The following TOP1 variants were observed in gnomAD, a reference collection of about 807,000 sequenced individuals.
The protein encoded by TOP1 is DNA topoisomerase I.
TOP1 carries 10 observed loss-of-function variants against 111.1 expected under a neutral mutation model. The ratio of observed to expected loss-of-function variants is 0.09; its 90% CI spans 0.06 to 0.15. The LOEUF is 0.15. Ranked by LOEUF, TOP1 falls within the 10% of genes least tolerant of loss-of-function variation. The pLI is 1.00. For missense variants in TOP1, 474 were observed against 926.7 expected, an observed-to-expected ratio of 0.51 and a Z score of 6.34; for synonymous variants, 271 against 302.9, an observed-to-expected ratio of 0.89 and a Z score of 1.10.
intron 4 of TOP1, 49 bp downstream of exon 4, chr20:41,076,343 T>G: frequency 6.4e-7 from 1 of 1,562,588 alleles, no homozygotes; most frequent in South Asian, 1.2e-5. Flanking sequence ...GCACTTTTGT[T>G]TACCTTTGAA....
chr20:41,079,847 GA>G lies in TOP1; in HGVS notation c.336-236del, dbSNP rs2033768636. ...AATAGTGAGAAAGAATTCTGACTTA[GA>G]ATAAAGAGTCTTGATCCCAAATCCT... is the stretch of plus-strand genomic sequence containing the variant. On this transcript the variant is annotated intron_variant, in intron 5 of 20. Transcript: ENST00000361337. The surrounding 1 kb of genome is among the most constrained non-coding windows in gnomAD (Gnocchi z 4.0). 6.6e-6 allele frequency among the ~76,000 whole-genome samples: 1 copy of G among 152,182 alleles called. No individual in the cohort carries two copies. Among genetic ancestry groups the G allele is most frequent in the African/African-American group, 2.4e-5 (1 of 41,438 alleles).
Position 41,110,456 on chromosome 20 carries a change from G to A in TOP1, c.1309-2326G>A, listed in dbSNP as rs542138608. Among the ~76,000 whole-genome samples the A allele has an allele frequency of 6.6e-6, 1 of 152,264 alleles. No individual in the cohort carries two copies. The highest frequency in any genetic ancestry group is 1.9e-4 in the East Asian group (1 of 5,188). On this transcript the variant is annotated intron_variant, in intron 13 of 20. Coordinates refer to ENST00000361337, the MANE Select transcript of TOP1 (RefSeq NM_003286.4). The surrounding 1 kb of genome is among the most constrained non-coding windows in gnomAD (Gnocchi z 4.2). The stretch of plus-strand genomic sequence containing the variant: ...GGGAAATAGTCATGTAAGAATACTG[G>A]CAAATGTCCTCTTCCCCATTACAAA...
At chr20:41,089,135 C>T (rs2033887151) in intron 8 of TOP1, among the ~76,000 whole-genome samples, 1 of 149,576 alleles carries the variant, frequency 6.7e-6, no homozygotes, top group African/African-American at 2.5e-5. Flanking sequence ...AGCAATTCTC[C>T]TGCCTCAGCC....
intron 7 of TOP1, among the ~76,000 whole-genome samples, chr20:41,084,215 C>CT (rs763440260): frequency 6.2e-4 from 94 of 152,086 alleles, no homozygotes; most frequent in Non-Finnish European, 6.0e-4. Context: ...TTCCCAGTCT[C>CT]TTCCCCTGCA....
Position 41,072,731 on chromosome 20 carries a change from C to G in TOP1, c.156-3440C>G, listed in dbSNP as rs967876336. The G allele has an allele frequency of 9.1e-6, 9 of 985,294 alleles. No individual in the cohort carries two copies. In the African/African-American group the frequency reaches 1.6e-4, roughly 17 times the overall value. 61.0% of individuals were successfully genotyped at this position (985,294 alleles called of 1,614,324 possible). ...AGGCAGGGACGGTAACAGCACCTGA[C>G]AAGTAGGGATGATCACATTGTATTC... On this transcript the variant is annotated intron_variant, in intron 3 of 20. Transcript: ENST00000361337.
At chr20:41,085,970 A>G (rs1247144953) in intron 8 of TOP1, among the ~76,000 whole-genome samples, 1 of 152,228 alleles carries the variant, frequency 6.6e-6, no homozygotes, top group Admixed American at 6.5e-5. Flanking sequence ...GGTCAGAGTC[A>G]GAAAGTAAAA....
At position 41,061,440 on chromosome 20, in the gene TOP1, C is replaced by T. The variant is rs2033543328; in HGVS notation, c.105C>T (p.His35=). 6.2e-7 allele frequency: 1 copy of T among 1,613,166 alleles called. No individual in the cohort carries two copies. The highest frequency in any genetic ancestry group is 1.1e-5 in the South Asian group (1 of 90,996). The change falls in exon 3 of 21, where the codon CAC becomes CAT. Residue 35 remains histidine, a synonymous_variant. Transcript: ENST00000361337. The surrounding 1 kb of genome is among the most constrained non-coding windows in gnomAD (Gnocchi z 4.6). ...KDKHKDREHR[H]KEHKKEKDRE... is the part of the protein sequence containing the mutation. ...AACACAAAGATCGAGAACACCGGCA[C>T]AAAGAACACAAGAAGGAGAAGGACC...
intron 13 of TOP1, among the ~76,000 whole-genome samples, chr20:41,111,656 T>C (rs1712018848): frequency 7.0e-6 from 1 of 141,968 alleles, no homozygotes; most frequent in Non-Finnish European, 1.5e-5. Flanking sequence ...AAAGGCTGGT[T>C]ATCTTCACCA....
chr20:41,070,531 AC>A (rs1247821621), intron 3 of TOP1, among the ~76,000 whole-genome samples: 1 of 152,226 alleles, frequency 6.6e-6, no homozygotes, highest in Admixed American at 6.5e-5. Flanking sequence ...CCCAGAGGCA[AC>A]TTTTGAAGTT....
In TOP1 at chr20:41,121,646, A is replaced by C. The variant is rs745494334; in HGVS notation, c.1951-50A>C. The C allele has an allele frequency of 6.9e-7, 1 of 1,448,388 alleles. No individual in the cohort carries two copies. The highest frequency in any genetic ancestry group is 9.7e-7 in the Non-Finnish European group (1 of 1,029,806). 89.7% of individuals were successfully genotyped at this position (1,448,388 alleles called of 1,614,324 possible). A position where few individuals can be genotyped will look rare whatever the true frequency, so the allele number is the denominator to read the frequency against. On this transcript the variant is annotated intron_variant, in intron 18 of 20. Transcript: ENST00000361337. This position sits in a 1 kb window ranked among gnomAD's most constrained non-coding sequence, Gnocchi z 4.2. ...ATCTTGGTTTCACCTTCTCAGGTGGAGCCATTTTTCCTCTACAGCTCATAA... is the reference window on the plus strand; with the variant it reads ...ATCTTGGTTTCACCTTCTCAGGTGGCGCCATTTTTCCTCTACAGCTCATAA...
At chr20:41,096,618 C>CT (rs2033986582) in intron 9 of TOP1, among the ~76,000 whole-genome samples, 2 of 152,214 alleles carry the variant, frequency 1.3e-5, no homozygotes, top group African/African-American at 4.8e-5. Context: ...TGCTGCTGGT[C>CT]TGTGAACCAC....
At position 41,055,276 on chromosome 20, in the gene TOP1, C is replaced by T. The variant is rs2033456608; in HGVS notation, c.59-6118C>T. Among the ~76,000 whole-genome samples, 5 of 152,234 alleles carry T rather than the reference C, an allele frequency of 3.3e-5. No individual in the cohort carries two copies. In the South Asian group the frequency reaches 1.0e-3, roughly 31 times the overall value. ...TTTCATATCTGTCAGTTAAATTCAA[C>T]ACATTTCTTTTTGCACTTAACAGGT... On this transcript the variant is annotated intron_variant, in intron 2 of 20. Coordinates refer to ENST00000361337, the MANE Select transcript of TOP1 (RefSeq NM_003286.4).
rs1413762937 is a variant in TOP1, at chr20:41,101,212, T to C, written c.1167T>C (p.Asp389=). 2 of 1,613,984 alleles carry C rather than the reference T, an allele frequency of 1.2e-6. No individual in the cohort carries two copies. The highest frequency in any genetic ancestry group is 1.7e-5 in the Admixed American group (1 of 60,000). Residue 389 remains aspartate (D), a synonymous_variant, in exon 13 of 21, where the codon GAT becomes GAC. Transcript: ENST00000361337. This position sits in a 1 kb window ranked among gnomAD's most constrained non-coding sequence, Gnocchi z 4.1. The stretch of plus-strand genomic sequence containing the variant: ...CCTCGTGCTCTGTTATTTCCAGAGA[T>C]GCCAAGGTTCCTTCTCCTCCTCCAG... ...PEDIIINCSK[D]AKVPSPPPGH...
intron 14 of TOP1, among the ~76,000 whole-genome samples, chr20:41,113,363 A>G (rs975376426): frequency 3.3e-5 from 5 of 151,920 alleles, no homozygotes; most frequent in African/African-American, 1.2e-4. Context: ...GCACTCCCTC[A>G]TTTGCTGCCT....
At chr20:41,064,116 G>A (rs2033578776) in intron 3 of TOP1, among the ~76,000 whole-genome samples, 1 of 152,138 alleles carries the variant, frequency 6.6e-6, no homozygotes, top group South Asian at 2.1e-4. Context: ...TCCAGTTTCA[G>A]TTTTCTGCGT....
chr20:41,085,723 T>G (rs2033840258), intron 8 of TOP1, among the ~76,000 whole-genome samples: 1 of 152,188 alleles, frequency 6.6e-6, no homozygotes, highest in South Asian at 2.1e-4. Flanking sequence ...CTTCCAAACC[T>G]GTTTATGTGC....
rs1445984660 is a variant in TOP1, at chr20:41,118,892, T to G, written c.1950+596T>G. Among the ~76,000 whole-genome samples, 1 of 152,172 alleles carries G rather than the reference T, an allele frequency of 6.6e-6. No individual in the cohort carries two copies. The highest frequency in any genetic ancestry group is 1.5e-5 in the Non-Finnish European group (1 of 68,030). On this transcript the variant is annotated intron_variant, in intron 18 of 20. Transcript: ENST00000361337. The surrounding 1 kb of genome is among the most constrained non-coding windows in gnomAD (Gnocchi z 4.6). ...ATTCCTTGTCCCTGAGCCTCTTTCC[T>G]CCTCCTAACTCCGCCTGGTACTGAG... is the stretch of plus-strand genomic sequence containing the variant.
chr20:41,057,821 T>C (rs1475948258), intron 2 of TOP1, among the ~76,000 whole-genome samples: 1 of 152,206 alleles, frequency 6.6e-6, no homozygotes, highest in Non-Finnish European at 1.5e-5. Context: ...GCATCTGGCC[T>C]GCAAACAAAA....
In TOP1 at chr20:41,077,106, A is replaced by G. The variant is rs889634258; in HGVS notation, c.280-476A>G. 2.6e-5 allele frequency among the ~76,000 whole-genome samples: 4 copies of G among 152,166 alleles called. No individual in the cohort carries two copies. In the South Asian group the frequency reaches 6.2e-4, roughly 24 times the overall value. ...TTGTTTGTTTGTTTTTTAAATAAAG[A>G]TGGGGGTCTCACTGTGTTGGCGGGG... On this transcript the variant is annotated intron_variant, in intron 4 of 20. Coordinates refer to ENST00000361337, the MANE Select transcript of TOP1 (RefSeq NM_003286.4).
Sources: gnomAD v4.1 joint callset for allele counts (sites outside exome capture counted in the v4.1 genomes callset) on GRCh38, gnomAD v4.1.1 for gene constraint, Gnocchi (gnomAD v3.1) non-coding constraint, MANE v1.5 for transcripts, NCBI Gene and HGNC (gene_info 2026-07-23, HGNC 2026-07-21) for gene names.